ZDHHC15: variants seen among roughly 807,000 people sequenced by gnomAD.
The protein encoded by ZDHHC15 is zDHHC palmitoyltransferase 15, also known as palmitoyltransferase ZDHHC15.
Under a neutral mutation model 31.7 loss-of-function variants are expected in ZDHHC15, and 19 were observed. The observed-to-expected ratio is 0.60, with a 90% CI of 0.42 to 0.88. ZDHHC15 has a LOEUF of 0.88. Ranked by LOEUF, ZDHHC15 falls within the 40% of genes least tolerant of loss-of-function variation. ZDHHC15 has a pLI of 0.00. For synonymous variants in ZDHHC15, 103 were observed against 90.0 expected (o/e 1.14, Z -0.82); for missense variants, 209 against 251.2 (o/e 0.83, Z 1.14).
At chrX:75,494,684 A>C (rs1328510869) in intron 2 of ZDHHC15, among the ~76,000 whole-genome samples, 1 of 112,503 alleles carries the variant, frequency 8.9e-6, no homozygotes, top group East Asian at 2.8e-4. Context: ...AAATTGGAAA[A>C]AGATTCCCTA....
At chrX:75,485,549 T>C (rs1199990098) in intron 2 of ZDHHC15, among the ~76,000 whole-genome samples, 2 of 110,519 alleles carry the variant, frequency 1.8e-5, no homozygotes, top group African/African-American at 6.6e-5. Context: ...ATCAGTAACC[T>C]GATACAAGTG....
chrX:75,443,390 G>A (rs1156290974), intron 4 of ZDHHC15, among the ~76,000 whole-genome samples: 6 of 111,678 alleles, frequency 5.4e-5, no homozygotes, highest in South Asian at 7.5e-4. Context: ...TTTAACAAAC[G>A]GTGTTGGGAA....
At chrX:75,441,078 C>A (rs2083933376) in intron 4 of ZDHHC15, among the ~76,000 whole-genome samples, 1 of 112,010 alleles carries the variant, frequency 8.9e-6, no homozygotes, top group Admixed American at 9.4e-5. Flanking sequence ...GGGCTGACAT[C>A]TTGCCTTGCT....
chrX:75,450,989 C>T (rs1376030170), intron 3 of ZDHHC15, 67 bp from the exon 4 acceptor site: 3 of 1,116,143 alleles, frequency 2.7e-6, no homozygotes, highest in Non-Finnish European at 3.6e-6. Context: ...AAACCAACAA[C>T]AATAACTACT....
intron 1 of ZDHHC15, among the ~76,000 whole-genome samples, chrX:75,513,544 C>T (rs1163081372): frequency 9.0e-6 from 1 of 111,528 alleles, no homozygotes; most frequent in African/African-American, 3.3e-5. Context: ...CATCCCAGAT[C>T]AGTAGAGGCT....
chrX:75,396,525 G>A (rs1246549199), intron 10 of ZDHHC15, among the ~76,000 whole-genome samples: 2 of 111,956 alleles, frequency 1.8e-5, no homozygotes, highest in Non-Finnish European at 3.8e-5. Context: ...GAGAACCCTT[G>A]AACAGTATTG....
intron 4 of ZDHHC15, among the ~76,000 whole-genome samples, chrX:75,444,405 G>T (rs2083994853): frequency 1.0e-5 from 1 of 96,687 alleles, no homozygotes; most frequent in Admixed American, 1.2e-4. Flanking sequence ...ACTCATAGGT[G>T]GGAATTGAAT....
chrX:75,387,683 G>A (rs1001935831), intron 10 of ZDHHC15, among the ~76,000 whole-genome samples: 4 of 111,651 alleles, frequency 3.6e-5, no homozygotes, highest in Admixed American at 9.5e-5. Flanking sequence ...AACATCAAAC[G>A]TAAGAATTAT....
chrX:75,475,835 C>T (rs778816643), intron 3 of ZDHHC15, among the ~76,000 whole-genome samples: 21 of 112,051 alleles, frequency 1.9e-4, no homozygotes, highest in Non-Finnish European at 3.8e-4. Flanking sequence ...AATATTAACT[C>T]TTCCAATTCA....
chrX:75,476,660 ATAAG>A (rs1318982205), intron 3 of ZDHHC15, among the ~76,000 whole-genome samples: 4 of 100,001 alleles, frequency 4.0e-5, no homozygotes, highest in Admixed American at 2.2e-4. Flanking sequence ...CCTTCCTAAT[ATAAG>A]TAATTTGTGC....
rs934478460 is a variant in ZDHHC15 at position 75,382,653 on chromosome X, TATA to T, written c.968-3458_968-3456del. 3.2e-3 allele frequency among the ~76,000 whole-genome samples: 361 copies of T among 111,443 alleles called. 1 individual carries two copies. The highest frequency in any genetic ancestry group is 0.011 in the African/African-American group (326 of 30,153). ...ATACACGAAGAAAGAAATTTGGTTC[TATA>T]ATGTGGAAGATGAATCAATTTGCAT... On this transcript the variant is annotated intron_variant, in intron 10 of 11. Transcript: ENST00000373367.
intron 10 of ZDHHC15, among the ~76,000 whole-genome samples, chrX:75,402,379 A>T (rs1218219519): frequency 9.0e-6 from 1 of 111,458 alleles, no homozygotes; most frequent in Admixed American, 9.6e-5. Flanking sequence ...AGAAAATGAG[A>T]AATAACAAAA....
intron 3 of ZDHHC15, among the ~76,000 whole-genome samples, chrX:75,455,693 AG>A (rs1435245805): frequency 8.9e-6 from 1 of 112,400 alleles, no homozygotes. Context: ...TTCATAAAAA[AG>A]TGGGCAAAGG....
intron 3 of ZDHHC15, among the ~76,000 whole-genome samples, chrX:75,468,212 AT>A (rs2084443441): frequency 9.1e-6 from 1 of 109,690 alleles, no homozygotes; most frequent in Non-Finnish European, 1.9e-5. Flanking sequence ...TGCCCGGCTA[AT>A]TTTGTATTTT....
intron 11 of ZDHHC15, among the ~76,000 whole-genome samples, chrX:75,373,926 G>GTTTTTTTTTTTTTTTGTTTTTTT (rs2083028362): frequency 2.0e-5 from 1 of 50,456 alleles, no homozygotes; most frequent in Non-Finnish European, 3.4e-5. Flanking sequence ...CATTCTTTCT[G>GTTTTTTTTTTTTTTTGTTTTTTT]TTTTTTTTTT....
At chrX:75,482,376 C>T (rs1314752968) in intron 2 of ZDHHC15, among the ~76,000 whole-genome samples, 3 of 111,942 alleles carry the variant, frequency 2.7e-5, no homozygotes, top group Non-Finnish European at 3.8e-5. Flanking sequence ...AGCTGGCTAC[C>T]CACTGGGAGT....
chrX:75,513,982 A>T (rs750021994), intron 1 of ZDHHC15, among the ~76,000 whole-genome samples: 1 of 112,875 alleles, frequency 8.9e-6, no homozygotes, highest in East Asian at 2.8e-4. Context: ...AAAGAAAAAC[A>T]TCTGTCAACA....
chrX:75,506,214 C>CT (rs1469791853), intron 1 of ZDHHC15, among the ~76,000 whole-genome samples: 1 of 111,468 alleles, frequency 9.0e-6, no homozygotes, highest in Non-Finnish European at 1.9e-5. Context: ...TATTATTATA[C>CT]TTTAAGTTTT....
At position 75,372,782 on chromosome X, in the gene ZDHHC15, T is replaced by C. The variant is rs2083016259; in HGVS notation, c.*196A>G. On this transcript the variant is annotated 3_prime_UTR_variant, in exon 12 of 12. Transcript: ENST00000373367. ...AAATTCCAAATTGGATTTCAGTCAG[T>C]AAATTAAATAACATAAAGTCCAGAA... 8.9e-6 allele frequency: 1 copy of C among 112,332 alleles called. No individual in the cohort carries two copies. The highest frequency in any genetic ancestry group is 1.9e-5 in the Non-Finnish European group (1 of 53,205). The allele number at this position is 112,332 out of a possible 1,213,427, so 9.3% of individuals were successfully genotyped here.
Sources: allele counts gnomAD v4.1 joint callset (sites outside exome capture counted in the v4.1 genomes callset), GRCh38; gene constraint gnomAD v4.1.1; transcripts MANE v1.5; gene names NCBI Gene and HGNC (gene_info 2026-07-23, HGNC 2026-07-21).